The following ANGPT1 variants were observed in gnomAD, a reference collection of about 807,000 sequenced individuals.
ANGPT1 encodes the protein angiopoietin 1.
In ANGPT1, 17 loss-of-function variants were observed where a neutral mutation model predicts 62.2. That is an observed-to-expected ratio of 0.27 (90% confidence interval 0.19 to 0.41). The LOEUF is 0.41. Ranked by LOEUF, ANGPT1 falls within the 10% of genes least tolerant of loss-of-function variation. The pLI is 1.00. For synonymous variants in ANGPT1, 199 were observed against 198.9 expected, an observed-to-expected ratio of 1.00 and a Z score of 0.00; for missense variants, 478 against 594.9, an observed-to-expected ratio of 0.80 and a Z score of 2.04.
rs1563591113 is a variant in ANGPT1, at chr8:107,370,392, GAAAGAAA to G, written c.298-23302_298-23296del. 1.9e-3 allele frequency among the ~76,000 whole-genome samples: 130 copies of G among 68,240 alleles called. 26 individuals carry two copies. Among genetic ancestry groups the G allele is most frequent in the African/African-American group, 5.3e-3 (127 of 24,166 alleles). 44.8% of individuals were successfully genotyped at this position (68,240 alleles called of 152,430 possible). ...AGAAAGAAAGAAAGAAAGAAAGAAA[GAAAGAAA>G]GAAAGAAAGAGTCAGGGTCAGTGGC... On this transcript the variant is annotated intron_variant, in intron 1 of 8. Coordinates refer to ENST00000517746, the MANE Select transcript of ANGPT1 (RefSeq NM_001146.5).
intron 1 of ANGPT1, among the ~76,000 whole-genome samples, chr8:107,478,207 A>G (rs1016849681): frequency 6.7e-6 from 1 of 148,884 alleles, no homozygotes; most frequent in Non-Finnish European, 1.5e-5. Flanking sequence ...GTTTTACATC[A>G]CTCCTGCTTC....
At chr8:107,385,275 T>A (rs1246506393) in intron 1 of ANGPT1, among the ~76,000 whole-genome samples, 1 of 152,110 alleles carries the variant, frequency 6.6e-6, no homozygotes, top group African/African-American at 2.4e-5. Flanking sequence ...ATGGAATGTT[T>A]TTCTACTTGT....
chr8:107,394,180 T>G (rs1244522583), intron 1 of ANGPT1, among the ~76,000 whole-genome samples: 1 of 152,132 alleles, frequency 6.6e-6, no homozygotes, highest in East Asian at 1.9e-4. Context: ...AAGAAGCAAT[T>G]TTCCACTTGA....
chr8:107,482,524 G>C (rs1386308859), intron 1 of ANGPT1, among the ~76,000 whole-genome samples: 1 of 152,154 alleles, frequency 6.6e-6, no homozygotes, highest in East Asian at 1.9e-4. Context: ...CAGTAGCTCA[G>C]GGCATGAGTA....
chr8:107,262,055 C>T (rs1180212830), intron 8 of ANGPT1, among the ~76,000 whole-genome samples: 1 of 151,982 alleles, frequency 6.6e-6, no homozygotes, highest in African/African-American at 2.4e-5. Flanking sequence ...ATTAGCCAGG[C>T]ATGGTGGCAC....
At chr8:107,378,931 TAC>T (rs1816582954) in intron 1 of ANGPT1, among the ~76,000 whole-genome samples, 1 of 40,216 alleles carries the variant, frequency 2.5e-5, no homozygotes, top group Admixed American at 4.0e-4. Context: ...TATATACACA[TAC>T]ATATATATAT....
chr8:107,398,638 T>C (rs1816984513), intron 1 of ANGPT1, among the ~76,000 whole-genome samples: 1 of 151,940 alleles, frequency 6.6e-6, no homozygotes, highest in African/African-American at 2.4e-5. Context: ...AACCTAAAAC[T>C]GTTCTGGACA....
At chr8:107,404,168 T>C (rs1293240562) in intron 1 of ANGPT1, among the ~76,000 whole-genome samples, 4 of 152,158 alleles carry the variant, frequency 2.6e-5, no homozygotes, top group Non-Finnish European at 4.4e-5. Flanking sequence ...ATTCACAGTT[T>C]CAACTAGCCT....
intron 1 of ANGPT1, among the ~76,000 whole-genome samples, chr8:107,470,844 G>A (rs1812338159): frequency 6.6e-6 from 1 of 152,156 alleles, no homozygotes; most frequent in African/African-American, 2.4e-5. Context: ...AAACCACCAT[G>A]AGATACCATC....
At chr8:107,458,333 C>T (rs1440045397) in intron 1 of ANGPT1, among the ~76,000 whole-genome samples, 1 of 152,060 alleles carries the variant, frequency 6.6e-6, no homozygotes, top group East Asian at 1.9e-4. Flanking sequence ...AGAAAATCTG[C>T]CTTGTAAATT....
intron 2 of ANGPT1, among the ~76,000 whole-genome samples, chr8:107,345,938 C>G (rs1005714568): frequency 6.6e-6 from 1 of 151,866 alleles, no homozygotes; most frequent in African/African-American, 2.4e-5. Context: ...AAATGAGTAC[C>G]CCAGAGTTTG....
At chr8:107,385,106 T>G (rs1283328802) in intron 1 of ANGPT1, among the ~76,000 whole-genome samples, 1 of 152,150 alleles carries the variant, frequency 6.6e-6, no homozygotes, top group Non-Finnish European at 1.5e-5. Flanking sequence ...AAGCTCTTTC[T>G]TGGTTCCAAT....
intron 1 of ANGPT1, among the ~76,000 whole-genome samples, chr8:107,350,104 C>T (rs1022429652): frequency 6.6e-6 from 1 of 152,158 alleles, no homozygotes; most frequent in Non-Finnish European, 1.5e-5. Context: ...TATACAAACA[C>T]ACATGCAAAA....
chr8:107,466,392 G>A (rs1812199013), intron 1 of ANGPT1, among the ~76,000 whole-genome samples: 1 of 151,920 alleles, frequency 6.6e-6, no homozygotes, highest in South Asian at 2.1e-4. Flanking sequence ...GGATTCTATG[G>A]CTGGCAAGAA....
intron 8 of ANGPT1, among the ~76,000 whole-genome samples, chr8:107,263,430 T>C (rs1015783722): frequency 9.9e-5 from 15 of 151,892 alleles, no homozygotes; most frequent in Admixed American, 9.8e-4. Context: ...TTATTTAATT[T>C]TAGGTATGTG....
chr8:107,308,569 G>A (rs1292464144), intron 4 of ANGPT1, among the ~76,000 whole-genome samples: 2 of 152,120 alleles, frequency 1.3e-5, no homozygotes, highest in African/African-American at 4.8e-5. Flanking sequence ...CTGCCAGGTG[G>A]ACACCAGGAA....
At chr8:107,461,331 A>G (rs1362492348) in intron 1 of ANGPT1, among the ~76,000 whole-genome samples, 2 of 152,150 alleles carry the variant, frequency 1.3e-5, no homozygotes, top group African/African-American at 4.8e-5. Context: ...TAAAAACCTG[A>G]AGCTGTAGGC....
chr8:107,474,426 G>C (rs1169792560), intron 1 of ANGPT1, among the ~76,000 whole-genome samples: 1 of 152,016 alleles, frequency 6.6e-6, no homozygotes, highest in Non-Finnish European at 1.5e-5. Context: ...GTATTGATGG[G>C]ACATATCTCA....
intron 3 of ANGPT1, among the ~76,000 whole-genome samples, chr8:107,326,937 C>T (rs764445965): frequency 2.0e-5 from 3 of 152,098 alleles, no homozygotes; most frequent in Non-Finnish European, 4.4e-5. Context: ...ATCCTATAGT[C>T]TCATCTCTTT....
Sources: gnomAD v4.1 joint callset for allele counts (sites outside exome capture counted in the v4.1 genomes callset) on GRCh38, gnomAD v4.1.1 for gene constraint, MANE v1.5 for transcripts, NCBI Gene and HGNC (gene_info 2026-07-23, HGNC 2026-07-21) for gene names.